CEP41: variants seen among roughly 807,000 people sequenced by gnomAD.
The protein encoded by CEP41 is centrosomal protein of 41 kDa.
Under a neutral mutation model 44.3 loss-of-function variants are expected in CEP41, and 32 were observed. That is an observed-to-expected ratio of 0.72 (90% CI 0.54 to 0.97). The LOEUF (loss-of-function observed/expected upper bound fraction) is 0.97. Among genes scored for constraint, CEP41 ranks in the 50% least tolerant of loss-of-function variants. The pLI is 0.00. For missense variants in CEP41, 432 were observed against 455.2 expected (o/e 0.95, Z 0.46); for synonymous variants, 151 against 168.5 (o/e 0.90, Z 0.80).
chr7:130,411,296 T>C, intron 4 of CEP41, 105 bp from the exon 5 acceptor site: 2 of 928,474 alleles, frequency 2.2e-6, no homozygotes, highest in South Asian at 2.7e-5. Context: ...AAAGATCTGT[T>C]GTTTTAAGAA....
intron 1 of CEP41, among the ~76,000 whole-genome samples, chr7:130,438,452 A>C (rs1554426746): frequency 6.6e-6 from 1 of 152,124 alleles, no homozygotes; most frequent in Non-Finnish European, 1.5e-5. Context: ...TCAGCTACCC[A>C]GGAAGCTGAG....
At chr7:130,406,979 AT>A (rs1215018499) in intron 5 of CEP41, among the ~76,000 whole-genome samples, 12 of 151,760 alleles carry the variant, frequency 7.9e-5, no homozygotes, top group Non-Finnish European at 1.5e-4. Flanking sequence ...AAAAAAAAGT[AT>A]ATAAAAAATA....
intron 2 of CEP41, chr7:130,419,927 G>C: frequency 1.0e-6 from 1 of 985,114 alleles, no homozygotes. Context: ...TAGACAGAAA[G>C]CCAAGGACTA....
rs1554421019 is a variant in CEP41, at chr7:130,416,908, G to T, written c.145+11C>A. 1.9e-6 allele frequency: 3 copies of T among 1,577,610 alleles called. No homozygotes were observed. In the Admixed American group the frequency reaches 5.0e-5, roughly 26 times the overall value. ...CTTCCACTCTCCCAAACCATCAAGA[G>T]TGTTACTTACTTTTCTTAATCTCTT... On this transcript the variant is annotated intron_variant, in intron 3 of 10. Coordinates refer to ENST00000223208, the MANE Select transcript of CEP41 (RefSeq NM_018718.3).
At chr7:130,404,543 A>C in intron 6 of CEP41, 21 bp downstream of exon 6, 1 of 1,610,846 alleles carries the variant, frequency 6.2e-7, no homozygotes, top group Admixed American at 1.7e-5. Context: ...TGCAGTGAAA[A>C]TATGAATCAG....
chr7:130,396,289 C>T lies in CEP41; in HGVS notation c.*2602G>A, dbSNP rs1554414505. 2.2e-6 allele frequency: 1 copy of T among 454,042 alleles called. No individual in the cohort carries two copies. Among genetic ancestry groups the T allele is most frequent in the Non-Finnish European group, 4.4e-6 (1 of 226,748 alleles). The allele number at this position is 454,042 out of a possible 1,614,324, so 28.1% of individuals were successfully genotyped here. A position where few individuals can be genotyped will look rare whatever the true frequency, so the allele number is the denominator to read the frequency against. On this transcript the variant is annotated 3_prime_UTR_variant, in exon 11 of 11. Transcript: ENST00000223208. ...TGAGACGCTGGTAGGAAGCCATGAT[C>T]CAGTTGTTGAAGGTGGCTTCAGTCC... is the stretch of plus-strand genomic sequence containing the variant.
intron 3 of CEP41, among the ~76,000 whole-genome samples, chr7:130,412,453 G>A (rs1393660243): frequency 1.3e-5 from 2 of 152,190 alleles, no homozygotes; most frequent in Non-Finnish European, 2.9e-5. Context: ...GAAGCTTAAA[G>A]TTGAATTTAT....
intron 4 of CEP41, 156 bp downstream of exon 4, chr7:130,412,023 A>T: frequency 1.4e-6 from 1 of 698,106 alleles, no homozygotes; most frequent in Non-Finnish European, 2.6e-6. Flanking sequence ...ATGTGAACAC[A>T]CACACCACAT....
intron 3 of CEP41, among the ~76,000 whole-genome samples, chr7:130,413,056 A>G (rs1797231008): frequency 6.6e-6 from 1 of 151,310 alleles, no homozygotes; most frequent in Non-Finnish European, 1.5e-5. Flanking sequence ...CAGTGGTGTG[A>G]TCTCGGCTCT....
rs1554414436 is a variant in CEP41 at position 130,396,169 on chromosome 7, C to T, written c.*2722G>A. The T allele has an allele frequency of 2.2e-6, 1 of 453,834 alleles. No individual in the cohort carries two copies. The highest frequency in any genetic ancestry group is 4.4e-6 in the Non-Finnish European group (1 of 226,782). 28.1% of individuals were successfully genotyped at this position (453,834 alleles called of 1,614,324 possible). On this transcript the variant is annotated 3_prime_UTR_variant, in exon 11 of 11. Transcript: ENST00000223208. ...TTTAAGGTATTATTTAAACTTTGGCCATCACTGCTGTTCAGGGTGCTGTAG... is the reference window on the plus strand; with the variant it reads ...TTTAAGGTATTATTTAAACTTTGGCTATCACTGCTGTTCAGGGTGCTGTAG...
At position 130,397,857 on chromosome 7, in the gene CEP41, C is replaced by T. The variant is rs781969630; in HGVS notation, c.*1034G>A. On this transcript the variant is annotated 3_prime_UTR_variant, in exon 11 of 11. Transcript: ENST00000223208. ...ATCTATAATCACAACTTCCTAATCA[C>T]AGTTCAGTCATGAGAATGAAAAGTA... The T allele has an allele frequency of 4.4e-6, 2 of 450,938 alleles. No individual in the cohort carries two copies. Among genetic ancestry groups the T allele is most frequent in the South Asian group, 1.6e-5 (1 of 64,394 alleles). The allele number at this position is 450,938 out of a possible 1,614,324, so 27.9% of individuals were successfully genotyped here. A position where few individuals can be genotyped will look rare whatever the true frequency, so the allele number is the denominator to read the frequency against.
At chr7:130,440,191 T>C (rs1798104116) in intron 1 of CEP41, among the ~76,000 whole-genome samples, 1 of 152,124 alleles carries the variant, frequency 6.6e-6, no homozygotes, top group South Asian at 2.1e-4. Flanking sequence ...CGGCTAATTT[T>C]TGTATTTTTA....
chr7:130,422,132 A>C (rs1797527819), intron 2 of CEP41: 1 of 1,126,412 alleles, frequency 8.9e-7, no homozygotes, highest in Non-Finnish European at 1.2e-6. Context: ...ATAATCTTTA[A>C]CCAGGAGGAA....
Position 130,394,305 on chromosome 7 carries a change from G to T in CEP41, c.*4586C>A. 2.2e-6 allele frequency: 1 copy of T among 454,028 alleles called. No individual in the cohort carries two copies. The allele number at this position is 454,028 out of a possible 1,614,324, so 28.1% of individuals were successfully genotyped here. A position where few individuals can be genotyped will look rare whatever the true frequency, so the allele number is the denominator to read the frequency against. ...TCACTTAATTTCTACCCGAACCTCA[G>T]TCTCCTCATCTGAAAATGGGGGTGC... On this transcript the variant is annotated 3_prime_UTR_variant, in exon 11 of 11. Coordinates refer to ENST00000223208, the MANE Select transcript of CEP41 (RefSeq NM_018718.3).
At chr7:130,414,268 C>T (rs1797270723) in intron 3 of CEP41, among the ~76,000 whole-genome samples, 1 of 152,300 alleles carries the variant, frequency 6.6e-6, no homozygotes, top group South Asian at 2.1e-4. Flanking sequence ...AGGTAACAAA[C>T]CTATATGCAG....
chr7:130,434,726 T>G (rs1302911368), intron 1 of CEP41, among the ~76,000 whole-genome samples: 1 of 152,204 alleles, frequency 6.6e-6, no homozygotes. Flanking sequence ...GTAAAATTTT[T>G]AAGCTCACAA....
At chr7:130,423,039 T>G (rs1373007964) in intron 2 of CEP41, among the ~76,000 whole-genome samples, 3 of 152,316 alleles carry the variant, frequency 2.0e-5, no homozygotes, top group South Asian at 2.1e-4. Context: ...CCCCGCCTCC[T>G]GGGTTCAAGC....
intron 8 of CEP41, chr7:130,401,178 C>T (rs1796833000): frequency 4.1e-6 from 1 of 242,738 alleles, no homozygotes; most frequent in Non-Finnish European, 8.1e-6. Flanking sequence ...CCACTGAAGC[C>T]TATTTATGAC....
chr7:130,436,172 A>G (rs1225813249), intron 1 of CEP41, among the ~76,000 whole-genome samples: 2 of 152,128 alleles, frequency 1.3e-5, no homozygotes, highest in African/African-American at 4.8e-5. Flanking sequence ...AAACAAAACA[A>G]AACAAAAAAA....
Sources: gnomAD v4.1 joint callset for allele counts (sites outside exome capture counted in the v4.1 genomes callset) on GRCh38, gnomAD v4.1.1 for gene constraint, MANE v1.5 for transcripts, NCBI Gene and HGNC (gene_info 2026-07-23, HGNC 2026-07-21) for gene names.